CFDP1: variants seen among roughly 807,000 people sequenced by gnomAD.
CFDP1 encodes the protein heterochromatin-stabilizing protein CFDP1.
CFDP1 carries 31 observed loss-of-function variants against 40.1 expected under a neutral mutation model. The observed-to-expected ratio is 0.77, with a 90% CI of 0.58 to 1.04. CFDP1 has a LOEUF of 1.04. CFDP1 is among the 50% of genes least tolerant of loss of function. CFDP1 has a pLI of 0.00. For missense variants in CFDP1, 423 were observed against 343.4 expected (o/e 1.23, Z -1.83); for synonymous variants, 167 against 120.0 (o/e 1.39, Z -2.56).
chr16:75,422,878 T>A (rs2079295998), intron 1 of CFDP1, among the ~76,000 whole-genome samples: 1 of 151,302 alleles, frequency 6.6e-6, no homozygotes, highest in South Asian at 2.1e-4. Context: ...CCAGGTTTTC[T>A]CACACCTGTA....
chr16:75,298,201 A>G (rs995016796), intron 6 of CFDP1, among the ~76,000 whole-genome samples: 9 of 152,252 alleles, frequency 5.9e-5, no homozygotes. Context: ...ACGTAAAAGC[A>G]AATATTTCAA....
At chr16:75,376,297 C>T (rs1244415698) in intron 5 of CFDP1, among the ~76,000 whole-genome samples, 1 of 152,054 alleles carries the variant, frequency 6.6e-6, no homozygotes, top group African/African-American at 2.4e-5. Flanking sequence ...TATTTAGGTA[C>T]CCAAGATAAA....
rs187321429 is a variant in CFDP1 at position 75,399,864 on chromosome 16, G to A, written c.531-4655C>T. 2.8e-3 allele frequency among the ~76,000 whole-genome samples: 432 copies of A among 152,180 alleles called. 1 individual carries two copies. The highest frequency in any genetic ancestry group is 4.6e-3 in the Non-Finnish European group (311 of 67,992). ...CGCCTGTAACCCCAGCATTTTGGGA[G>A]GCCAAGGCAGGCGGATCACCTGAGG... On this transcript the variant is annotated intron_variant, in intron 4 of 6. Transcript: ENST00000283882.
chr16:75,303,927 TCAA>T (rs901920083), intron 6 of CFDP1, among the ~76,000 whole-genome samples: 1 of 152,174 alleles, frequency 6.6e-6, no homozygotes, highest in African/African-American at 2.4e-5. Context: ...GGTGGGACAC[TCAA>T]CATTTCCTTT....
chr16:75,383,712 G>A (rs568037808), intron 5 of CFDP1, among the ~76,000 whole-genome samples: 5 of 151,838 alleles, frequency 3.3e-5, no homozygotes, highest in Admixed American at 2.6e-4. Context: ...CCAGCTACTC[G>A]GGAAGCTGAG....
intron 1 of CFDP1, among the ~76,000 whole-genome samples, chr16:75,426,228 C>A (rs1426669089): frequency 6.7e-6 from 1 of 149,460 alleles, no homozygotes; most frequent in Admixed American, 6.7e-5. Flanking sequence ...CACATGCCTG[C>A]AATCCCAGCT....
intron 1 of CFDP1, 72 bp downstream of exon 1, chr16:75,433,217 G>T (rs868703390): frequency 2.1e-6 from 3 of 1,442,202 alleles, no homozygotes; most frequent in South Asian, 1.2e-5. Context: ...AGACGCCCGC[G>T]GGGGCAGAGC....
intron 6 of CFDP1, among the ~76,000 whole-genome samples, chr16:75,298,006 G>A (rs1190076026): frequency 7.2e-5 from 11 of 152,270 alleles, no homozygotes; most frequent in African/African-American, 2.6e-4. Context: ...CAAGACACAA[G>A]TGGAAAATTC....
At chr16:75,363,877 G>A (rs1214016587) in intron 5 of CFDP1, among the ~76,000 whole-genome samples, 1 of 151,440 alleles carries the variant, frequency 6.6e-6, no homozygotes, top group East Asian at 1.9e-4. Flanking sequence ...TGAGACAAGC[G>A]AGCAAAACAG....
chr16:75,349,653 A>C lies in CFDP1; in HGVS notation c.651-44471T>G, dbSNP rs200822729. ...GCGACAGAGCGAGACTCCGTCTCAA[A>C]AAAAAAAAAAAAAAAAAAAAAAAAA... On this transcript the variant is annotated intron_variant, in intron 5 of 6. Transcript: ENST00000283882. Among the ~76,000 whole-genome samples, 3 of 5,938 alleles carry C rather than the reference A, an allele frequency of 5.1e-4. No homozygotes were observed. In the East Asian group the frequency reaches 0.013, roughly 26 times the overall value. 3.9% of individuals were successfully genotyped at this position (5,938 alleles called of 152,430 possible). A position where few individuals can be genotyped will look rare whatever the true frequency, so the allele number is the denominator to read the frequency against.
At chr16:75,349,637 C>G (rs145139741) in intron 5 of CFDP1, among the ~76,000 whole-genome samples, 2,906 of 96,546 alleles carry the variant, frequency 0.03, 75 homozygotes, top group African/African-American at 0.079. Context: ...GGCGACAGAG[C>G]GAGACTCCGT....
intron 5 of CFDP1, among the ~76,000 whole-genome samples, chr16:75,366,256 G>A (rs1251126497): frequency 6.6e-6 from 1 of 150,890 alleles, no homozygotes; most frequent in Non-Finnish European, 1.5e-5. Flanking sequence ...TTTTCTGGCA[G>A]TTGTCCAGAA....
intron 4 of CFDP1, among the ~76,000 whole-genome samples, chr16:75,406,327 T>C (rs2079098710): frequency 6.6e-6 from 1 of 150,408 alleles, no homozygotes; most frequent in South Asian, 2.1e-4. Flanking sequence ...TAGTGGGCCA[T>C]GAGGGAGCCA....
chr16:75,375,469 A>G (rs763419716), intron 5 of CFDP1, among the ~76,000 whole-genome samples: 1 of 152,152 alleles, frequency 6.6e-6, no homozygotes, highest in African/African-American at 2.4e-5. Flanking sequence ...AAATCAGAGG[A>G]GATACCATTT....
At chr16:75,390,283 T>C (rs1442145241) in intron 5 of CFDP1, among the ~76,000 whole-genome samples, 2 of 152,222 alleles carry the variant, frequency 1.3e-5, no homozygotes, top group Non-Finnish European at 2.9e-5. Context: ...TAAACCAAAC[T>C]TTAGTCAGAC....
intron 4 of CFDP1, among the ~76,000 whole-genome samples, chr16:75,401,026 T>G (rs1435341236): frequency 6.6e-6 from 1 of 152,198 alleles, no homozygotes; most frequent in Non-Finnish European, 1.5e-5. Context: ...CTTGACACAG[T>G]GGCTCACACC....
At position 75,352,029 on chromosome 16, in the gene CFDP1, A is replaced by G. The variant is rs1016194885; in HGVS notation, c.650+43061T>C. ...TCTCAAAAAAAAAAAAAAAAAAAAA[A>G]AAAAGAAAAGGTAAATGAAAGAATT... On this transcript the variant is annotated intron_variant, in intron 5 of 6. Transcript: ENST00000283882. Among the ~76,000 whole-genome samples the G allele has an allele frequency of 5.4e-5, 8 of 146,944 alleles. No individual in the cohort carries two copies. In the East Asian group the frequency reaches 8.1e-4, roughly 15 times the overall value.
chr16:75,432,642 T>C (rs1298913685), intron 1 of CFDP1, among the ~76,000 whole-genome samples: 1 of 152,174 alleles, frequency 6.6e-6, no homozygotes, highest in African/African-American at 2.4e-5. Flanking sequence ...GTTTGTCTAG[T>C]CTTTCAACTG....
intron 1 of CFDP1, among the ~76,000 whole-genome samples, chr16:75,421,610 C>T (rs781528070): frequency 2.0e-5 from 3 of 152,020 alleles, no homozygotes; most frequent in African/African-American, 2.4e-5. Context: ...AGTATAAATC[C>T]GAGAAAGCCT....
Sources: gnomAD v4.1 joint callset for allele counts (sites outside exome capture counted in the v4.1 genomes callset) on GRCh38, gnomAD v4.1.1 for gene constraint, MANE v1.5 for transcripts, NCBI Gene and HGNC (gene_info 2026-07-23, HGNC 2026-07-21) for gene names.